Variants in ZCCHC7 observed in about 807,000 individuals in gnomAD.
The protein encoded by ZCCHC7 is zinc finger CCHC-type containing 7, also known as zinc finger CCHC domain-containing protein 7.
In ZCCHC7, 35 loss-of-function variants were observed where a neutral mutation model predicts 52.0. That is an observed-to-expected ratio of 0.67 (90% CI 0.51 to 0.89). ZCCHC7 has a LOEUF of 0.89. Among genes scored for constraint, ZCCHC7 ranks in the 40% least tolerant of loss-of-function variants. ZCCHC7 has a pLI of 0.00. For synonymous variants in ZCCHC7, 217 were observed against 221.5 expected (o/e 0.98, Z 0.18); for missense variants, 574 against 649.1 (o/e 0.88, Z 1.26).
At chr9:37,139,784 A>G (rs898780287) in intron 2 of ZCCHC7, among the ~76,000 whole-genome samples, 1 of 151,968 alleles carries the variant, frequency 6.6e-6, no homozygotes, top group Non-Finnish European at 1.5e-5. Context: ...GTAGCTTAAG[A>G]GGTATTTATT....
At chr9:37,160,486 C>G (rs1821037279) in intron 2 of ZCCHC7, among the ~76,000 whole-genome samples, 3 of 152,136 alleles carry the variant, frequency 2.0e-5, no homozygotes, top group Admixed American at 1.3e-4. Context: ...CCATGGCACT[C>G]AAGCCTGGGC....
chr9:37,217,136 G>T (rs926670392), intron 2 of ZCCHC7, among the ~76,000 whole-genome samples: 2 of 152,044 alleles, frequency 1.3e-5, no homozygotes, highest in African/African-American at 4.8e-5. Flanking sequence ...ATGTTTTATA[G>T]TTAGAATCCT....
At chr9:37,247,565 A>T (rs900184479) in intron 2 of ZCCHC7, among the ~76,000 whole-genome samples, 1 of 152,170 alleles carries the variant, frequency 6.6e-6, no homozygotes, top group African/African-American at 2.4e-5. Flanking sequence ...TCAGTATAGC[A>T]GTTAAGGACA....
intron 2 of ZCCHC7, among the ~76,000 whole-genome samples, chr9:37,148,665 G>C (rs1439558656): frequency 6.6e-6 from 1 of 152,158 alleles, no homozygotes; most frequent in Admixed American, 6.5e-5. Flanking sequence ...AGTTTCTTAA[G>C]TCAGTGTTTC....
At chr9:37,293,264 G>T (rs1248134965) in intron 2 of ZCCHC7, among the ~76,000 whole-genome samples, 1 of 152,118 alleles carries the variant, frequency 6.6e-6, no homozygotes, top group South Asian at 2.1e-4. Context: ...TAGGAAAAAA[G>T]CAAATTGTTC....
At chr9:37,280,823 T>A (rs1201834838) in intron 2 of ZCCHC7, among the ~76,000 whole-genome samples, 1 of 152,106 alleles carries the variant, frequency 6.6e-6, no homozygotes, top group African/African-American at 2.4e-5. Flanking sequence ...GGTTGGAATG[T>A]AGAGGCACAA....
intron 2 of ZCCHC7, among the ~76,000 whole-genome samples, chr9:37,207,716 C>G (rs1035428369): frequency 6.6e-6 from 1 of 151,690 alleles, no homozygotes; most frequent in East Asian, 1.9e-4. Context: ...CTAACTTTTC[C>G]TTCTGTCATA....
chr9:37,134,737 T>G (rs1842928643), intron 2 of ZCCHC7, among the ~76,000 whole-genome samples: 1 of 152,184 alleles, frequency 6.6e-6, no homozygotes, highest in Non-Finnish European at 1.5e-5. Flanking sequence ...TGTTGTTTTA[T>G]TTTTTGAGAC....
In ZCCHC7 at chr9:37,347,855, C is replaced by T. The variant is rs545905070; in HGVS notation, c.988-1502C>T. ...TCTCAGTCCTAATCTCACTAGGCCT[C>T]TCTGCTATATTTAACATTGTAGATC... On this transcript the variant is annotated intron_variant, in intron 6 of 8. Coordinates refer to ENST00000336755, the MANE Select transcript of ZCCHC7 (RefSeq NM_032226.3). Among the ~76,000 whole-genome samples, 6 of 152,156 alleles carry T rather than the reference C, an allele frequency of 3.9e-5. No individual in the cohort carries two copies. In the South Asian group the frequency reaches 1.0e-3, roughly 26 times the overall value.
At chr9:37,266,388 A>G (rs1393455226) in intron 2 of ZCCHC7, among the ~76,000 whole-genome samples, 1 of 152,214 alleles carries the variant, frequency 6.6e-6, no homozygotes, top group Admixed American at 6.5e-5. Context: ...TTTTAAATTT[A>G]GGGATGTGTA....
chr9:37,309,164 A>C (rs1249408812), intron 5 of ZCCHC7, among the ~76,000 whole-genome samples: 1 of 152,150 alleles, frequency 6.6e-6, no homozygotes, highest in Non-Finnish European at 1.5e-5. Context: ...TTTGTAGCCT[A>C]CACACCTGGT....
chr9:37,174,023 T>A (rs1480214038), intron 2 of ZCCHC7, among the ~76,000 whole-genome samples: 1 of 152,148 alleles, frequency 6.6e-6, no homozygotes, highest in African/African-American at 2.4e-5. Context: ...AAAAATTCGA[T>A]GAGTTAGGCT....
intron 1 of ZCCHC7, 184 bp downstream of exon 1, chr9:37,120,807 CGGGCTGCGGGTCTAGG>C (rs1842277983): frequency 3.3e-6 from 1 of 299,046 alleles, no homozygotes; most frequent in Admixed American, 5.2e-5. Flanking sequence ...CCCACGCGGC[CGGGCTGCGGGTCTAGG>C]GGGTCCGCGT....
chr9:37,271,022 G>T (rs1433146070), intron 2 of ZCCHC7, among the ~76,000 whole-genome samples: 1 of 152,058 alleles, frequency 6.6e-6, no homozygotes, highest in Non-Finnish European at 1.5e-5. Flanking sequence ...AGAAGTATTG[G>T]TGCCAACAAA....
At chr9:37,230,219 A>G (rs889085548) in intron 2 of ZCCHC7, among the ~76,000 whole-genome samples, 2 of 152,236 alleles carry the variant, frequency 1.3e-5, no homozygotes, top group Non-Finnish European at 2.9e-5. Context: ...AATAAACCAG[A>G]AACAGTCGTT....
intron 2 of ZCCHC7, among the ~76,000 whole-genome samples, chr9:37,203,862 A>G (rs1009621704): frequency 6.6e-6 from 1 of 152,212 alleles, no homozygotes; most frequent in African/African-American, 2.4e-5. Context: ...TGCTGGTTCT[A>G]GATCCTTGAG....
At chr9:37,328,791 C>T (rs1830345919) in intron 6 of ZCCHC7, among the ~76,000 whole-genome samples, 1 of 151,960 alleles carries the variant, frequency 6.6e-6, no homozygotes, top group Non-Finnish European at 1.5e-5. Flanking sequence ...GTCTGTCTGT[C>T]ACAGGCCCAA....
At chr9:37,192,432 A>G (rs1234111747) in intron 2 of ZCCHC7, among the ~76,000 whole-genome samples, 1 of 152,140 alleles carries the variant, frequency 6.6e-6, no homozygotes, top group Non-Finnish European at 1.5e-5. Context: ...TCTTCTTTAG[A>G]TCAGGTGTGT....
chr9:37,298,289 A>C (rs1035371444), intron 2 of ZCCHC7, among the ~76,000 whole-genome samples: 48 of 152,240 alleles, frequency 3.2e-4, no homozygotes, highest in African/African-American at 1.2e-3. Flanking sequence ...GGTCACCCCC[A>C]TGACCTAGTC....
Sources: allele counts gnomAD v4.1 joint callset (sites outside exome capture counted in the v4.1 genomes callset), GRCh38; gene constraint gnomAD v4.1.1; transcripts MANE v1.5; gene names NCBI Gene and HGNC (gene_info 2026-07-23, HGNC 2026-07-21).